Variants in KLRC1 observed in about 807,000 individuals in gnomAD.
KLRC1 encodes NKG2-A/NKG2-B type II integral membrane protein.
KLRC1 carries 22 observed loss-of-function variants against 25.9 expected under a neutral mutation model. That is an observed-to-expected ratio of 0.85 (90% CI 0.61 to 1.21). The LOEUF (loss-of-function observed/expected upper bound fraction) is 1.21. Ranked by LOEUF, KLRC1 falls within the 50% of genes most tolerant of loss-of-function variation. The pLI, the probability that KLRC1 is intolerant of heterozygous loss-of-function variation, is 0.00. For missense variants in KLRC1, 240 were observed against 272.2 expected, an observed-to-expected ratio of 0.88 and a Z score of 0.83; for synonymous variants, 77 against 93.1, an observed-to-expected ratio of 0.83 and a Z score of 0.99.
At chr12:10,451,454 G>A (rs534739723) in intron 1 of KLRC1, among the ~76,000 whole-genome samples, 2 of 152,222 alleles carry the variant, frequency 1.3e-5, no homozygotes, top group East Asian at 3.9e-4. Flanking sequence ...TCAGGAGATC[G>A]AGACCATCCT....
At chr12:10,444,800 G>A (rs573744331), downstream of KLRC1, among the ~76,000 whole-genome samples, 2 of 151,886 alleles carry the variant, frequency 1.3e-5, no homozygotes, top group East Asian at 3.9e-4. Context: ...TCCCAAGATA[G>A]CCTTGATATC....
rs748623846 is a variant in KLRC1 at position 10,451,164 on chromosome 12, G to C, written c.-8C>G. ...TACTCCTTGGTTATCCATCTCTGCA[G>C]TGTGTGATGTCAGGGACTGTACTCT... is the stretch of plus-strand genomic sequence containing the variant. On this transcript the variant is annotated 5_prime_UTR_variant, in exon 2 of 7. Coordinates refer to ENST00000359151, the MANE Select transcript of KLRC1 (RefSeq NM_002259.5). 6.2e-7 allele frequency: 1 copy of C among 1,608,984 alleles called. No homozygotes were observed. The highest frequency in any genetic ancestry group is 1.1e-5 in the South Asian group (1 of 90,206).
downstream of KLRC1, among the ~76,000 whole-genome samples, chr12:10,444,208 A>G (rs768042330): frequency 1.3e-4 from 18 of 141,762 alleles, no homozygotes; most frequent in Non-Finnish European, 2.6e-4. Flanking sequence ...AAAATAGAAA[A>G]GCTAAAACTA....
intron 5 of KLRC1, 36 bp from the exon 6 acceptor site, chr12:10,447,668 A>G (rs753894574): frequency 6.0e-6 from 9 of 1,500,360 alleles, no homozygotes; most frequent in Non-Finnish European, 7.3e-6. Context: ...TTAAATAATA[A>G]TTATGAAAAC....
At position 10,446,653 on chromosome 12, in the gene KLRC1, G is replaced by A; in HGVS notation, c.600C>T (p.Asp200=). The A allele has an allele frequency of 6.2e-7, 1 of 1,613,736 alleles. No individual in the cohort carries two copies. Among genetic ancestry groups the A allele is most frequent in the Non-Finnish European group, 8.5e-7 (1 of 1,179,746 alleles). The change falls in exon 7 of 7, where the codon GAC becomes GAT. Residue 200 remains aspartate (D), a synonymous_variant. Coordinates refer to ENST00000359151, the MANE Select transcript of KLRC1 (RefSeq NM_002259.5). ...CACAGTTAAGTTCAGCATTATCTGA[G>A]TCTTTTATCCTGTAATGGAGAAAAA... ...NGLAFKHEIK[D]SDNAELNCAV... is the part of the protein sequence containing the mutation.
intron 4 of KLRC1, among the ~76,000 whole-genome samples, 161 bp from the exon 5 acceptor site, chr12:10,449,549 A>C (rs1864076800): frequency 6.6e-6 from 1 of 152,196 alleles, no homozygotes; most frequent in Non-Finnish European, 1.5e-5. Context: ...TCACTTATAC[A>C]CACATGCGCA....
upstream of KLRC1, chr12:10,454,511 C>T (rs979070627): frequency 1.8e-6 from 1 of 550,972 alleles, no homozygotes; most frequent in Non-Finnish European, 2.3e-6. Context: ...GACCCTGAAA[C>T]AGCCCTCTAA....
chr12:10,452,799 G>A (rs1453653223), intron 1 of KLRC1, among the ~76,000 whole-genome samples: 1 of 151,948 alleles, frequency 6.6e-6, no homozygotes, highest in Non-Finnish European at 1.5e-5. Context: ...TAATCTACGT[G>A]TCTGAGGAAT....
chr12:10,454,640 G>A (rs1348893702), upstream of KLRC1: 15 of 985,188 alleles, frequency 1.5e-5, no homozygotes, highest in Non-Finnish European at 1.8e-5. Context: ...TCCTACAGAA[G>A]ATACTAAAAT....
At chr12:10,451,662 A>G (rs1864129825) in intron 1 of KLRC1, among the ~76,000 whole-genome samples, 1 of 152,002 alleles carries the variant, frequency 6.6e-6, no homozygotes, top group Admixed American at 6.6e-5. Flanking sequence ...ACTCAAAAAA[A>G]AAAGATAAAT....
At chr12:10,451,852 G>A (rs931166620) in intron 1 of KLRC1, among the ~76,000 whole-genome samples, 4 of 151,934 alleles carry the variant, frequency 2.6e-5, no homozygotes, top group Non-Finnish European at 1.5e-5. Flanking sequence ...TTGAAATCCA[G>A]TAATGGTTAA....
intron 2 of KLRC1, 86 bp from the exon 3 acceptor site, chr12:10,450,665 C>T: frequency 1.2e-6 from 1 of 840,350 alleles, no homozygotes; most frequent in Non-Finnish European, 2.0e-6. Context: ...CCTGAATGCA[C>T]AGGAATCATA....
chr12:10,451,528 C>A lies in KLRC1; in HGVS notation c.-31-341G>T, dbSNP rs542807334. On this transcript the variant is annotated intron_variant, in intron 1 of 6. Transcript: ENST00000359151. ...AAAAGTAGTCGGGCATGATGTCAGG[C>A]GCCTGTAGTCCTAGCTACTCGGGAG... is the stretch of plus-strand genomic sequence containing the variant. Among the ~76,000 whole-genome samples, 18 of 152,066 alleles carry A rather than the reference C, an allele frequency of 1.2e-4. No individual in the cohort carries two copies. The South Asian group carries it at 3.3e-3, about 28-fold the overall frequency.
At chr12:10,450,780 C>A (rs567588821) in intron 2 of KLRC1, among the ~76,000 whole-genome samples, 190 bp downstream of exon 2, 73 of 152,114 alleles carry the variant, frequency 4.8e-4, no homozygotes, top group Non-Finnish European at 7.2e-4. Context: ...AATTATTTGA[C>A]AAAGACTACA....
At position 10,448,248 on chromosome 12, in the gene KLRC1, C is replaced by T. The variant is rs568771216; in HGVS notation, c.490-616G>A. Among the ~76,000 whole-genome samples, 6 of 152,298 alleles carry T rather than the reference C, an allele frequency of 3.9e-5. No homozygotes were observed. In the South Asian group the frequency reaches 1.2e-3, roughly 32 times the overall value. On this transcript the variant is annotated intron_variant, in intron 5 of 6. Coordinates refer to ENST00000359151, the MANE Select transcript of KLRC1 (RefSeq NM_002259.5). ...AAGATGAAATTGTCTGGGACCCTAG[C>T]ATCAGGGATCAACCAAGTGTCCGAG...
chr12:10,446,776 T>C, intron 6 of KLRC1, 114 bp from the exon 7 acceptor site: 1 of 1,259,530 alleles, frequency 7.9e-7, no homozygotes, highest in Non-Finnish European at 1.1e-6. Context: ...TAATTAAATT[T>C]TTCATAATAT....
chr12:10,449,479 G>A (rs1864074906), intron 4 of KLRC1, 91 bp from the exon 5 acceptor site: 6 of 1,541,986 alleles, frequency 3.9e-6, no homozygotes, highest in South Asian at 3.9e-5. Context: ...AAACCTATAC[G>A]TATGCAACAT....
At chr12:10,448,851 A>AT (rs779603012) in intron 5 of KLRC1, among the ~76,000 whole-genome samples, 6 of 152,212 alleles carry the variant, frequency 3.9e-5, no homozygotes, top group Admixed American at 1.3e-4. Flanking sequence ...AGGATAAGTG[A>AT]TGAGGGCATA....
chr12:10,446,635 A>G lies in KLRC1; in HGVS notation c.618T>C (p.Leu206=). Residue 206 remains leucine (L), a synonymous_variant, in exon 7 of 7, where the codon CTT becomes CTC. Coordinates refer to ENST00000359151, the MANE Select transcript of KLRC1 (RefSeq NM_002259.5). The part of the protein sequence containing the change: ...HEIKDSDNAE[L]NCAVLQVNRL... ...GATTTACTTGTAGCACTGCACAGTT[A>G]AGTTCAGCATTATCTGAGTCTTTTA... The G allele has an allele frequency of 6.2e-7, 1 of 1,613,980 alleles. No individual in the cohort carries two copies. Among genetic ancestry groups the G allele is most frequent in the Non-Finnish European group, 8.5e-7 (1 of 1,179,904 alleles).
Sources: gnomAD v4.1 joint callset for allele counts (sites outside exome capture counted in the v4.1 genomes callset) on GRCh38, gnomAD v4.1.1 for gene constraint, MANE v1.5 for transcripts, NCBI Gene and HGNC (gene_info 2026-07-23, HGNC 2026-07-21) for gene names.